RAD17: variants seen among roughly 807,000 people sequenced by gnomAD.
The protein encoded by RAD17 is RAD17 checkpoint clamp loader component, also known as cell cycle checkpoint protein RAD17.
RAD17 carries 31 observed loss-of-function variants against 81.5 expected under a neutral mutation model. The ratio of observed to expected loss-of-function variants is 0.38; its 90% confidence interval spans 0.29 to 0.51. The LOEUF is 0.51. Ranked by LOEUF, RAD17 falls within the 20% of genes least tolerant of loss-of-function variation. The pLI, the probability that RAD17 is intolerant of heterozygous loss-of-function variation, is 0.88. For missense variants in RAD17, 681 were observed against 781.2 expected (o/e 0.87, Z 1.53); for synonymous variants, 261 against 266.2 (o/e 0.98, Z 0.19).
At chr5:69,389,424 C>A (rs943930791) in intron 12 of RAD17, among the ~76,000 whole-genome samples, 1 of 152,168 alleles carries the variant, frequency 6.6e-6, no homozygotes, top group East Asian at 1.9e-4. Context: ...CTGCCACTTA[C>A]CAGTTATATA....
At chr5:69,395,394 C>T (rs911869338) in intron 15 of RAD17, among the ~76,000 whole-genome samples, 4 of 152,070 alleles carry the variant, frequency 2.6e-5, no homozygotes, top group South Asian at 4.1e-4. Flanking sequence ...CACCTGTAGT[C>T]GTAGCTACTT....
At chr5:69,406,679 T>C (rs1283983142) in intron 17 of RAD17, among the ~76,000 whole-genome samples, 2 of 150,090 alleles carry the variant, frequency 1.3e-5, no homozygotes, top group African/African-American at 4.9e-5. Context: ...ATTTTTGTAT[T>C]TTTTTTTTGT....
At chr5:69,390,063 AAG>A (rs1264823076) in intron 12 of RAD17, among the ~76,000 whole-genome samples, 1 of 152,230 alleles carries the variant, frequency 6.6e-6, no homozygotes, top group Non-Finnish European at 1.5e-5. Context: ...ATGTAGTAAA[AAG>A]ATAGTTTCAC....
At chr5:69,390,434 G>C (rs532159089) in intron 12 of RAD17, among the ~76,000 whole-genome samples, 1 of 152,020 alleles carries the variant, frequency 6.6e-6, no homozygotes, top group East Asian at 1.9e-4. Context: ...TTTGAAACCA[G>C]CCTGGGCAAC....
At chr5:69,408,072 A>G (rs1379009284) in intron 17 of RAD17, among the ~76,000 whole-genome samples, 1 of 152,140 alleles carries the variant, frequency 6.6e-6, no homozygotes, top group African/African-American at 2.4e-5. Context: ...AATATTTATA[A>G]TGGTTTATCT....
At chr5:69,374,512 G>A in intron 5 of RAD17, 116 bp from the exon 6 acceptor site, 1 of 610,190 alleles carries the variant, frequency 1.6e-6, no homozygotes. Context: ...TTATTATATA[G>A]ATTGTTACTG....
chr5:69,390,927 T>C (rs1162475738), intron 12 of RAD17, among the ~76,000 whole-genome samples: 1 of 145,322 alleles, frequency 6.9e-6, no homozygotes, highest in East Asian at 2.0e-4. Flanking sequence ...TACTCCAGCC[T>C]GGGTGATAGA....
At chr5:69,390,176 A>G (rs927695999) in intron 12 of RAD17, among the ~76,000 whole-genome samples, 14 of 152,176 alleles carry the variant, frequency 9.2e-5, no homozygotes, top group Admixed American at 7.9e-4. Context: ...AACGTTGATA[A>G]TTGACATCAA....
At chr5:69,389,189 G>T in intron 12 of RAD17, 44 bp downstream of exon 12, 1 of 1,194,200 alleles carries the variant, frequency 8.4e-7, no homozygotes. Flanking sequence ...ATAGGTGACT[G>T]ACTTTCTCTT....
chr5:69,388,956 T>G (rs1046927229), intron 11 of RAD17, 78 bp from the exon 12 acceptor site: 11 of 731,178 alleles, frequency 1.5e-5, no homozygotes, highest in Non-Finnish European at 2.2e-5. Context: ...TAATTAAGTT[T>G]AGAAAATAGG....
At chr5:69,388,382 G>A (rs1268237992) in intron 11 of RAD17, among the ~76,000 whole-genome samples, 2 of 152,014 alleles carry the variant, frequency 1.3e-5, no homozygotes, top group African/African-American at 4.8e-5. Context: ...ATCACAGTCT[G>A]TTGCATTTTG....
intron 17 of RAD17, among the ~76,000 whole-genome samples, chr5:69,403,444 C>T (rs1158815960): frequency 6.6e-6 from 1 of 152,182 alleles, no homozygotes; most frequent in African/African-American, 2.4e-5. Flanking sequence ...TATCTGGATT[C>T]TGACCAACAG....
intron 11 of RAD17, among the ~76,000 whole-genome samples, chr5:69,388,190 A>AT (rs1323222027): frequency 2.3e-5 from 3 of 129,782 alleles, no homozygotes; most frequent in South Asian, 2.3e-4. Flanking sequence ...TCAAAACAAA[A>AT]ATTTTTTTTT....
chr5:69,399,818 G>T (rs1765143799), intron 16 of RAD17, among the ~76,000 whole-genome samples: 1 of 151,532 alleles, frequency 6.6e-6, no homozygotes. Context: ...TTTAAAAATT[G>T]TTGTTTATTA....
chr5:69,381,604 TAATGCAA>T (rs1763863848), intron 6 of RAD17, among the ~76,000 whole-genome samples: 1 of 152,114 alleles, frequency 6.6e-6, no homozygotes, highest in East Asian at 1.9e-4. Flanking sequence ...GAGAGGGACA[TAATGCAA>T]AAATTGAGAA....
intron 17 of RAD17, among the ~76,000 whole-genome samples, chr5:69,402,231 A>G (rs1765318321): frequency 6.6e-6 from 1 of 151,378 alleles, no homozygotes; most frequent in East Asian, 2.1e-4. Context: ...TTGTATTTTT[A>G]GTAGAGGTGG....
At position 69,374,043 on chromosome 5, in the gene RAD17, T is replaced by C. The variant is rs1293053488; in HGVS notation, c.223T>C (p.Ser75Pro). 6.2e-7 allele frequency: 1 copy of C among 1,611,050 alleles called. No homozygotes were observed. The highest frequency in any genetic ancestry group is 8.5e-7 in the Non-Finnish European group (1 of 1,178,018). ...YGLENSKEYL[S>P]ENEPWVDKYK... ...TTTAGAAAATTCAAAAGAATATCTG[T>C]CTGAAAATGAACCATGGGTGGATAA... is the stretch of plus-strand genomic sequence containing the variant. Residue 75 changes from serine to proline, a missense_variant, in exon 5 of 19, where the codon TCT (serine) becomes CCT (proline). Transcript: ENST00000354868.
rs943759055 is a variant in RAD17, at chr5:69,396,772, A to G, written c.1572+226A>G. On this transcript the variant is annotated intron_variant, in intron 16 of 18. Transcript: ENST00000354868. ...TTTTAAGGGAAAAAAGACCATCACAATTTGAAAATATTAGTTCAGTTTTAT... is the reference window on the plus strand; with the variant it reads ...TTTTAAGGGAAAAAAGACCATCACAGTTTGAAAATATTAGTTCAGTTTTAT... Among the ~76,000 whole-genome samples, 5 of 152,166 alleles carry G rather than the reference A, an allele frequency of 3.3e-5. No homozygotes were observed. In the East Asian group the frequency reaches 9.6e-4, roughly 29 times the overall value.
At chr5:69,386,774 C>T (rs1764238075) in intron 11 of RAD17, among the ~76,000 whole-genome samples, 1 of 152,114 alleles carries the variant, frequency 6.6e-6, no homozygotes, top group Non-Finnish European at 1.5e-5. Flanking sequence ...AACAATTCAA[C>T]TCTTCCTATT....
Sources: gnomAD v4.1 joint callset for allele counts (sites outside exome capture counted in the v4.1 genomes callset) on GRCh38, gnomAD v4.1.1 for gene constraint, MANE v1.5 for transcripts, NCBI Gene and HGNC (gene_info 2026-07-23, HGNC 2026-07-21) for gene names.